Variants in GRIA1 observed in about 807,000 individuals in gnomAD.
The protein encoded by GRIA1 is glutamate ionotropic receptor AMPA type subunit 1.
In GRIA1, 31 loss-of-function variants were observed where a neutral mutation model predicts 99.2. The observed-to-expected ratio is 0.31, with a 90% confidence interval of 0.23 to 0.42. The LOEUF is 0.42. Among genes scored for constraint, GRIA1 ranks in the 10% least tolerant of loss-of-function variants. GRIA1 has a pLI of 1.00. For missense variants in GRIA1, 782 were observed against 1,157.5 expected (o/e 0.68, Z 4.71); for synonymous variants, 438 against 432.4 (o/e 1.01, Z -0.16).
At chr5:153,590,170 T>C (rs1763836510) in intron 2 of GRIA1, among the ~76,000 whole-genome samples, 1 of 152,150 alleles carries the variant, frequency 6.6e-6, no homozygotes, top group Admixed American at 6.5e-5. Context: ...TTGTCAACAT[T>C]GTGGATTCAG....
intron 4 of GRIA1, 73 bp from the exon 5 acceptor site, chr5:153,655,746 C>T: frequency 7.9e-7 from 1 of 1,261,100 alleles, no homozygotes; most frequent in Non-Finnish European, 1.2e-6. Context: ...ATATCAGCTG[C>T]CGTTATTACT....
intron 2 of GRIA1, among the ~76,000 whole-genome samples, chr5:153,592,161 TC>T (rs1420312286): frequency 6.6e-6 from 1 of 152,218 alleles, no homozygotes; most frequent in African/African-American, 2.4e-5. Context: ...AGAAGTTGGT[TC>T]TTTTCATAGC....
intron 2 of GRIA1, among the ~76,000 whole-genome samples, chr5:153,632,224 A>G (rs1253041226): frequency 1.3e-5 from 2 of 152,224 alleles, no homozygotes; most frequent in Non-Finnish European, 2.9e-5. Context: ...GATAAAGTGC[A>G]ATAAGTCTAC....
intron 2 of GRIA1, chr5:153,573,106 T>C (rs1232306184): frequency 6.6e-6 from 1 of 152,214 alleles, no homozygotes; most frequent in African/African-American, 2.4e-5. Flanking sequence ...TGGTGGCTAA[T>C]GAGCACATCT....
At chr5:153,804,635 A>G (rs1467959152) in intron 15 of GRIA1, among the ~76,000 whole-genome samples, 1 of 152,212 alleles carries the variant, frequency 6.6e-6, no homozygotes, top group Non-Finnish European at 1.5e-5. Flanking sequence ...GCTCTGGAGA[A>G]TGAACGTCTG....
intron 11 of GRIA1, among the ~76,000 whole-genome samples, chr5:153,732,966 C>T (rs1761149796): frequency 6.8e-6 from 1 of 147,818 alleles, no homozygotes; most frequent in South Asian, 2.1e-4. Context: ...CTAGTTTTTC[C>T]AAGACCATTT....
chr5:153,525,612 G>A (rs1328643628), intron 2 of GRIA1: 2 of 151,948 alleles, frequency 1.3e-5, no homozygotes, highest in African/African-American at 4.8e-5. Context: ...AACCTGGATG[G>A]GCTACTCAGA....
chr5:153,586,304 T>G (rs898717096), intron 2 of GRIA1, among the ~76,000 whole-genome samples: 2 of 152,220 alleles, frequency 1.3e-5, no homozygotes, highest in Non-Finnish European at 2.9e-5. Context: ...AATAAATAAC[T>G]GTGGAATGAA....
intron 11 of GRIA1, among the ~76,000 whole-genome samples, chr5:153,708,758 A>G (rs939059962): frequency 1.3e-5 from 2 of 152,236 alleles, no homozygotes; most frequent in Non-Finnish European, 2.9e-5. Flanking sequence ...TTAACAAAGC[A>G]GAAATAGCCA....
intron 7 of GRIA1, among the ~76,000 whole-genome samples, chr5:153,682,405 A>C (rs1757038171): frequency 6.6e-6 from 1 of 152,190 alleles, no homozygotes; most frequent in Non-Finnish European, 1.5e-5. Context: ...ACCAAACTTT[A>C]GTCAGGCTTC....
chr5:153,648,538 A>G (rs1754319557), intron 3 of GRIA1, among the ~76,000 whole-genome samples: 1 of 152,218 alleles, frequency 6.6e-6, no homozygotes, highest in Admixed American at 6.5e-5. Flanking sequence ...ACTATAAAAT[A>G]GGGATAATAA....
intron 14 of GRIA1, among the ~76,000 whole-genome samples, chr5:153,800,987 G>A (rs1171775691): frequency 6.6e-6 from 1 of 152,210 alleles, no homozygotes; most frequent in Non-Finnish European, 1.5e-5. Flanking sequence ...GCCAATTGAG[G>A]CATTTCATTT....
At chr5:153,658,576 C>A (rs1755120949) in intron 5 of GRIA1, among the ~76,000 whole-genome samples, 1 of 152,136 alleles carries the variant, frequency 6.6e-6, no homozygotes, top group African/African-American at 2.4e-5. Flanking sequence ...GAAACATAGT[C>A]GAGTATGTGG....
intron 2 of GRIA1, among the ~76,000 whole-genome samples, chr5:153,551,020 T>C (rs34784723): frequency 0.47 from 70,580 of 151,654 alleles, 18,097 homozygotes; most frequent in Non-Finnish European, 0.59. Context: ...GTCTGGGGAT[T>C]ACAGTAAGAA....
intron 7 of GRIA1, among the ~76,000 whole-genome samples, chr5:153,678,514 A>G (rs2149489368): frequency 6.6e-6 from 1 of 152,264 alleles, no homozygotes; most frequent in Admixed American, 6.5e-5. Context: ...GCAACAACAG[A>G]CACCAGGCAG....
At chr5:153,506,458 T>C (rs978985191) in intron 2 of GRIA1, among the ~76,000 whole-genome samples, 2 of 152,078 alleles carry the variant, frequency 1.3e-5, no homozygotes, top group Non-Finnish European at 2.9e-5. Flanking sequence ...TGCTGAGATT[T>C]AAATTATGTG....
chr5:153,652,789 C>A (rs1000699801), intron 4 of GRIA1, among the ~76,000 whole-genome samples: 1 of 152,174 alleles, frequency 6.6e-6, no homozygotes, highest in African/African-American at 2.4e-5. Flanking sequence ...GAATGACTGA[C>A]GGTCAAATTG....
intron 8 of GRIA1, among the ~76,000 whole-genome samples, chr5:153,696,384 G>A (rs1240666745): frequency 2.6e-5 from 4 of 152,170 alleles, no homozygotes; most frequent in Non-Finnish European, 4.4e-5. Context: ...GCTAAATGCA[G>A]CCTCTGGAGA....
intron 11 of GRIA1, among the ~76,000 whole-genome samples, chr5:153,753,278 G>C (rs1009475775): frequency 6.6e-6 from 1 of 152,142 alleles, no homozygotes. Context: ...ATACAAGCAG[G>C]AACACAATAC....
Sources: allele counts gnomAD v4.1 joint callset (sites outside exome capture counted in the v4.1 genomes callset), GRCh38; gene constraint gnomAD v4.1.1; transcripts MANE v1.5; gene names NCBI Gene and HGNC (gene_info 2026-07-23, HGNC 2026-07-21).